Variants in KCTD1 observed in about 807,000 individuals in gnomAD.
The protein encoded by KCTD1 is potassium channel tetramerization domain containing 1.
Under a neutral mutation model 66.0 loss-of-function variants are expected in KCTD1, and 24 were observed. The observed-to-expected ratio is 0.36, with a 90% CI of 0.26 to 0.51. The LOEUF is 0.51. Among genes scored for constraint, KCTD1 ranks in the 20% least tolerant of loss-of-function variants. The pLI, the probability that KCTD1 is intolerant of heterozygous loss-of-function variation, is 0.95. For synonymous variants in KCTD1, 511 were observed against 517.2 expected (o/e 0.99, Z 0.16); for missense variants, 943 against 1,205.2 (o/e 0.78, Z 3.22).
intron 1 of KCTD1, among the ~76,000 whole-genome samples, chr18:26,620,164 G>A (rs496344): frequency 0.28 from 42,332 of 151,476 alleles, 6,032 homozygotes; most frequent in Admixed American, 0.32. Context: ...CTGGCACAAT[G>A]TAGACACTAA....
intron 1 of KCTD1, among the ~76,000 whole-genome samples, chr18:26,604,035 A>T (rs1986958723): frequency 6.6e-6 from 1 of 151,846 alleles, no homozygotes; most frequent in Non-Finnish European, 1.5e-5. Context: ...AATATCTAGC[A>T]TCTATAAGGA....
At chr18:26,463,805 G>A (rs748675743) in intron 3 of KCTD1, among the ~76,000 whole-genome samples, 6 of 152,182 alleles carry the variant, frequency 3.9e-5, no homozygotes, top group Non-Finnish European at 5.9e-5. Context: ...CTGAAATGCC[G>A]GGATTACAGG....
upstream of KCTD1, among the ~76,000 whole-genome samples, chr18:26,553,003 T>TC (rs1985614286): frequency 2.0e-5 from 3 of 146,508 alleles, no homozygotes; most frequent in South Asian, 6.5e-4. Context: ...TTTTTTTTTT[T>TC]CTTTTGAGAC....
intron 4 of KCTD1, chr18:26,458,937 A>G (rs1980252268): frequency 6.6e-6 from 1 of 152,246 alleles, no homozygotes; most frequent in Admixed American, 6.5e-5. Context: ...CTTCTGCTCA[A>G]AACCCTCCAA....
chr18:26,639,201 G>T (rs373358916), intron 1 of KCTD1, among the ~76,000 whole-genome samples: 271 of 152,324 alleles, frequency 1.8e-3, no homozygotes, highest in African/African-American at 6.1e-3. Flanking sequence ...AGTCAGAAGA[G>T]CTGAGAATCT....
intron 1 of KCTD1, among the ~76,000 whole-genome samples, chr18:26,502,536 T>C (rs1598901436): frequency 6.6e-6 from 1 of 152,194 alleles, no homozygotes; most frequent in East Asian, 1.9e-4. Context: ...ATCCTTTCCA[T>C]GGATACAATA....
chr18:26,501,244 G>C lies in KCTD1; in HGVS notation c.1816C>G (p.Arg606Gly). 1.2e-6 allele frequency: 2 copies of C among 1,613,908 alleles called. No individual in the cohort carries two copies. Among genetic ancestry groups the C allele is most frequent in the South Asian group, 1.1e-5 (1 of 91,020 alleles). The change falls in exon 2 of 5, where the codon CGG becomes GGG. Residue 606 changes from arginine to glycine, a missense_variant. Arg to Gly is a moderately radical substitution (Grantham distance 125, BLOSUM62 -2). Transcript: ENST00000580059. ...ATCAGAGGTCTTGACATATTGGGCC[G>C]ACTGTCCTACAGAGAGATAAGCAAG... The part of the protein sequence containing the change: ...PAIVSPTQDS[R>G]PNMSRPLITR...
In KCTD1 at chr18:26,614,492, G is replaced by C. The variant is rs187051308; in HGVS notation, c.-16+14655C>G. Among the ~76,000 whole-genome samples, 84 of 152,324 alleles carry C rather than the reference G, an allele frequency of 5.5e-4. 1 individual carries two copies. Among genetic ancestry groups the C allele is most frequent in the Non-Finnish European group, 9.4e-4 (64 of 68,034 alleles). On this transcript the variant is annotated intron_variant, in intron 1 of 4. Transcript: ENST00000317932. The stretch of plus-strand genomic sequence containing the variant: ...TGAGATGAGCCTGGTGCAGATGTGG[G>C]ATGGGCAGAGAGGAGAGGGATGAAT...
intron 1 of KCTD1, among the ~76,000 whole-genome samples, chr18:26,574,569 CTA>C (rs1446158147): frequency 5.9e-5 from 9 of 152,160 alleles, no homozygotes; most frequent in African/African-American, 1.9e-4. Context: ...TTGAATTTGT[CTA>C]TGTTAGATAT....
chr18:26,470,727 T>G (rs1981011035), intron 3 of KCTD1, among the ~76,000 whole-genome samples: 1 of 152,204 alleles, frequency 6.6e-6, no homozygotes, highest in African/African-American at 2.4e-5. Context: ...GAGTGATAGA[T>G]GCACTGCGTG....
At chr18:26,456,000 T>C in intron 4 of KCTD1, 99 bp from the exon 5 acceptor site, 1 of 1,145,728 alleles carries the variant, frequency 8.7e-7, no homozygotes, top group Non-Finnish European at 1.2e-6. Context: ...CTGGTTCATC[T>C]CATCCAGCAC....
At chr18:26,555,286 CCTTAT>C (rs1985680369) in intron 1 of KCTD1, among the ~76,000 whole-genome samples, 1 of 152,154 alleles carries the variant, frequency 6.6e-6, no homozygotes, top group Non-Finnish European at 1.5e-5. Context: ...AAAATGTTAT[CCTTAT>C]CTTCTTTTAC....
At chr18:26,597,410 AG>A (rs1238947325) in intron 1 of KCTD1, among the ~76,000 whole-genome samples, 3 of 152,178 alleles carry the variant, frequency 2.0e-5, no homozygotes, top group Admixed American at 1.3e-4. Context: ...GGGCCTGATC[AG>A]ATAATATCCT....
At chr18:26,594,284 G>A (rs1986716483) in intron 1 of KCTD1, among the ~76,000 whole-genome samples, 1 of 152,292 alleles carries the variant, frequency 6.6e-6, no homozygotes, top group East Asian at 1.9e-4. Flanking sequence ...TCACTTGTCT[G>A]CAAATGTATG....
intron 1 of KCTD1, among the ~76,000 whole-genome samples, chr18:26,610,012 TA>T (rs11353353): frequency 0.87 from 132,128 of 152,090 alleles, 57,540 homozygotes; most frequent in East Asian, 0.95. Context: ...AACAAGTCAT[TA>T]AAAAAATGCT....
intron 1 of KCTD1, among the ~76,000 whole-genome samples, chr18:26,572,791 T>C (rs1469002468): frequency 1.3e-5 from 2 of 152,264 alleles, no homozygotes; most frequent in East Asian, 1.9e-4. Flanking sequence ...GCTCCCATGT[T>C]TGTAGATGAG....
intron 2 of KCTD1, among the ~76,000 whole-genome samples, chr18:26,493,510 A>G (rs978170769): frequency 1.3e-5 from 2 of 152,096 alleles, no homozygotes; most frequent in African/African-American, 4.8e-5. Context: ...CTTGTTCTAG[A>G]AAAAGAACAC....
intron 1 of KCTD1, among the ~76,000 whole-genome samples, chr18:26,569,166 A>T (rs535964618): frequency 6.6e-6 from 1 of 152,336 alleles, no homozygotes; most frequent in South Asian, 2.1e-4. Context: ...ACAACAAAAA[A>T]ATGAGGAAGT....
In KCTD1 at chr18:26,548,177, G is replaced by C. The variant is rs1345810050; in HGVS notation, c.360C>G (p.Val120=). 2.4e-5 allele frequency: 36 copies of C among 1,493,994 alleles called. No homozygotes were observed. Among genetic ancestry groups the C allele is most frequent in the Non-Finnish European group, 3.1e-5 (35 of 1,124,644 alleles). The allele number at this position is 1,493,994 out of a possible 1,614,324, so 92.5% of individuals were successfully genotyped here. The change falls in exon 1 of 5, where the codon GTC becomes GTG. Residue 120 remains valine, a synonymous_variant. Coordinates refer to ENST00000580059, the MANE Select transcript of KCTD1 (RefSeq NM_001142730.3). ...CGCTCTGGTCCATATTGATCATATG[G>C]ACCGGCTCGGGCTCCAGCTCCTCCC... is the stretch of plus-strand genomic sequence containing the variant. ...SAGEELEPEP[V]HMINMDQSAA...
Sources: allele counts gnomAD v4.1 joint callset (sites outside exome capture counted in the v4.1 genomes callset), GRCh38; gene constraint gnomAD v4.1.1; transcripts MANE v1.5; gene names NCBI Gene and HGNC (gene_info 2026-07-23, HGNC 2026-07-21).